DOCK8: variants seen among roughly 807,000 people sequenced by gnomAD.
DOCK8 encodes the protein dedicator of cytokinesis 8.
In DOCK8, 141 loss-of-function variants were observed where a neutral mutation model predicts 245.6. The ratio of observed to expected loss-of-function variants is 0.57; its 90% CI spans 0.50 to 0.66. The LOEUF (loss-of-function observed/expected upper bound fraction) is 0.66. Among genes scored for constraint, DOCK8 ranks in the 30% least tolerant of loss-of-function variants. The pLI, the probability that DOCK8 is intolerant of heterozygous loss-of-function variation, is 0.00. For synonymous variants in DOCK8, 1,168 were observed against 970.2 expected (o/e 1.20, Z -3.79); for missense variants, 2,965 against 2,603.4 (o/e 1.14, Z -3.02).
chr9:399,068 C>T (rs542705395), intron 25 of DOCK8, 78 bp from the exon 26 acceptor site: 13 of 1,355,206 alleles, frequency 9.6e-6, no homozygotes, highest in African/African-American at 1.4e-5. Context: ...CTGTCTCTCC[C>T]AATGTTCCCA....
chr9:402,637 C>T (rs963481318), intron 26 of DOCK8, among the ~76,000 whole-genome samples: 1 of 152,204 alleles, frequency 6.6e-6, no homozygotes, highest in Non-Finnish European at 1.5e-5. Context: ...CTGACTTTAT[C>T]ATTTTGCATA....
chr9:238,777 A>C (rs779940146), intron 1 of DOCK8, among the ~76,000 whole-genome samples: 1 of 152,254 alleles, frequency 6.6e-6, no homozygotes, highest in Non-Finnish European at 1.5e-5. Flanking sequence ...CATTGAAATA[A>C]ATGTGAGCTA....
rs192940975 is a variant in DOCK8 at position 390,817 on chromosome 9, C to T, written c.2970+251C>T. On this transcript the variant is annotated intron_variant, in intron 24 of 47. Transcript: ENST00000432829. Reference sequence around the variant, plus strand: ...CACCTGGCCACACACCATCATCTCTCATGTGCCTCTCGCAGTGACATCCTC... The same window carrying T: ...CACCTGGCCACACACCATCATCTCTTATGTGCCTCTCGCAGTGACATCCTC... Among the ~76,000 whole-genome samples the T allele has an allele frequency of 2.8e-3, 426 of 152,336 alleles. 3 individuals carry two copies. Among genetic ancestry groups the T allele is most frequent in the African/African-American group, 9.7e-3 (405 of 41,584 alleles).
In DOCK8 at chr9:429,481, C is replaced by G. The variant is rs574530121; in HGVS notation, c.4474-221C>G. Among the ~76,000 whole-genome samples the G allele has an allele frequency of 2.6e-5, 4 of 152,320 alleles. No individual in the cohort carries two copies. In the East Asian group the frequency reaches 7.7e-4, roughly 29 times the overall value. ...CTGGCTCACAGTGCAGTTGATAACA[C>G]AGCTCTGACCCTTTTAGCTGGACAG... On this transcript the variant is annotated intron_variant, in intron 35 of 47. Transcript: ENST00000432829.
chr9:212,534 C>T (rs139396448), upstream of DOCK8, among the ~76,000 whole-genome samples: 7 of 152,290 alleles, frequency 4.6e-5, no homozygotes, highest in East Asian at 1.4e-3. Context: ...TATTTGCCAG[C>T]AATATGTGAA....
intron 7 of DOCK8, 34 bp from the exon 8 acceptor site, chr9:325,637 A>C (rs769881558): frequency 6.3e-7 from 1 of 1,594,150 alleles, no homozygotes; most frequent in Non-Finnish European, 8.6e-7. Context: ...ATCTAACTCA[A>C]AGCCACATAG....
intron 1 of DOCK8, among the ~76,000 whole-genome samples, chr9:264,696 C>A (rs1336198727): frequency 6.6e-6 from 1 of 151,800 alleles, no homozygotes; most frequent in Non-Finnish European, 1.5e-5. Flanking sequence ...AAGTTTGCTA[C>A]AGAAATTCAT....
chr9:271,476 C>T (rs150685633), intron 1 of DOCK8, 151 bp from the exon 2 acceptor site: 1 of 646,638 alleles, frequency 1.5e-6, no homozygotes, highest in Non-Finnish European at 2.7e-6. Flanking sequence ...ACGATGTCCA[C>T]TAACAGGCCA....
intron 27 of DOCK8, among the ~76,000 whole-genome samples, chr9:406,317 C>G (rs1039335947): frequency 6.6e-6 from 1 of 151,948 alleles, no homozygotes; most frequent in Non-Finnish European, 1.5e-5. Context: ...GATGAAAACT[C>G]ATATCTACTA....
intron 35 of DOCK8, 44 bp downstream of exon 35, chr9:428,540 G>C: frequency 3.7e-6 from 6 of 1,611,360 alleles, no homozygotes; most frequent in Non-Finnish European, 5.1e-6. Context: ...TTAAGAGTAA[G>C]ATTCTCATCT....
intron 46 of DOCK8, chr9:458,081 A>G (rs1564092099): frequency 6.6e-6 from 1 of 152,228 alleles, no homozygotes; most frequent in East Asian, 1.9e-4. Context: ...AACAGAAGGA[A>G]GAGTAGCTTA....
chr9:341,476 G>C (rs1222926278), intron 14 of DOCK8, among the ~76,000 whole-genome samples: 1 of 152,144 alleles, frequency 6.6e-6, no homozygotes, highest in Non-Finnish European at 1.5e-5. Context: ...GTTGTTTTCT[G>C]TGTTTTTATA....
At chr9:305,932 G>A (rs761727615) in intron 5 of DOCK8, among the ~76,000 whole-genome samples, 32 of 152,128 alleles carry the variant, frequency 2.1e-4, no homozygotes, top group Non-Finnish European at 4.1e-4. Flanking sequence ...GGGGCTGGGG[G>A]AGGGAGGAGT....
chr9:451,786 C>T (rs185411351), intron 45 of DOCK8, among the ~76,000 whole-genome samples: 3 of 151,106 alleles, frequency 2.0e-5, no homozygotes, highest in Admixed American at 6.6e-5. Flanking sequence ...ATTAAATGTT[C>T]AAACTAAGAA....
At chr9:252,988 G>A (rs954174203) in intron 1 of DOCK8, among the ~76,000 whole-genome samples, 1 of 152,170 alleles carries the variant, frequency 6.6e-6, no homozygotes, top group African/African-American at 2.4e-5. Flanking sequence ...CCTTGGGACA[G>A]AGGTTTGATT....
At chr9:246,989 A>C (rs1422638691) in intron 1 of DOCK8, among the ~76,000 whole-genome samples, 2 of 152,156 alleles carry the variant, frequency 1.3e-5, no homozygotes, top group Non-Finnish European at 2.9e-5. Context: ...ACAGAAAAAA[A>C]ATGAGATTTT....
chr9:460,484 A>C (rs982204581), intron 46 of DOCK8: 1 of 152,184 alleles, frequency 6.6e-6, no homozygotes, highest in East Asian at 1.9e-4. Context: ...TGTAACTGTT[A>C]GTTAAGAAGC....
chr9:331,010 G>C (rs1391070210), intron 9 of DOCK8, among the ~76,000 whole-genome samples: 1 of 152,012 alleles, frequency 6.6e-6, no homozygotes, highest in African/African-American at 2.4e-5. Context: ...CCCCTTCCTT[G>C]CTTCAGGGTC....
intron 24 of DOCK8, 35 bp from the exon 25 acceptor site, chr9:396,750 C>T: frequency 6.2e-7 from 1 of 1,613,406 alleles, no homozygotes; most frequent in Non-Finnish European, 8.5e-7. Context: ...GGTCACCAAT[C>T]TCCATGTTGA....
Sources: gnomAD v4.1 joint callset for allele counts (sites outside exome capture counted in the v4.1 genomes callset) on GRCh38, gnomAD v4.1.1 for gene constraint, MANE v1.5 for transcripts, NCBI Gene and HGNC (gene_info 2026-07-23, HGNC 2026-07-21) for gene names.